The following NCAM2 variants were observed in gnomAD, a reference collection of about 807,000 sequenced individuals.
NCAM2 encodes the protein neural cell adhesion molecule 2, also known as N-CAM-2.
A neutral mutation model predicts 98.1 loss-of-function variants in NCAM2; 30 were observed. The observed-to-expected ratio is 0.31, with a 90% CI of 0.23 to 0.41. The LOEUF (loss-of-function observed/expected upper bound fraction) is 0.41, where lower values mean the gene tolerates loss of function less well. NCAM2 is among the 10% of genes least tolerant of loss of function. The pLI, the probability that NCAM2 is intolerant of heterozygous loss-of-function variation, is 1.00. For synonymous variants in NCAM2, 368 were observed against 342.4 expected (o/e 1.07, Z -0.83); for missense variants, 867 against 1,005.8 (o/e 0.86, Z 1.87).
intron 12 of NCAM2, among the ~76,000 whole-genome samples, chr21:21,448,085 A>G (rs1400424087): frequency 6.6e-6 from 1 of 152,140 alleles, no homozygotes; most frequent in African/African-American, 2.4e-5. Context: ...CCCTAAAGAC[A>G]CATGCACACG....
intron 1 of NCAM2, among the ~76,000 whole-genome samples, chr21:21,069,805 T>C (rs777267331): frequency 1.3e-5 from 2 of 152,150 alleles, no homozygotes; most frequent in African/African-American, 2.4e-5. Context: ...TCTCGATGTC[T>C]ACCTGGAAAC....
At chr21:21,536,448 A>G (rs984088771) in intron 17 of NCAM2, among the ~76,000 whole-genome samples, 1 of 149,840 alleles carries the variant, frequency 6.7e-6, no homozygotes, top group Non-Finnish European at 1.5e-5. Context: ...CTGGAGTGCA[A>G]TGGCGCAATC....
intron 1 of NCAM2, among the ~76,000 whole-genome samples, chr21:21,227,600 T>C (rs2147165874): frequency 6.6e-6 from 1 of 151,900 alleles, no homozygotes; most frequent in Non-Finnish European, 1.5e-5. Context: ...GAAAATGAAA[T>C]TGGAAATGTA....
At chr21:21,132,102 C>T (rs559079774) in intron 1 of NCAM2, among the ~76,000 whole-genome samples, 29 of 152,210 alleles carry the variant, frequency 1.9e-4, no homozygotes, top group African/African-American at 5.3e-4. Context: ...AGGAGTTTCC[C>T]GCATGCATTT....
intron 15 of NCAM2, among the ~76,000 whole-genome samples, chr21:21,487,120 A>G (rs1986455480): frequency 6.6e-6 from 1 of 152,174 alleles, no homozygotes. Context: ...ATTGCATTCC[A>G]ATAAATAAAA....
intron 15 of NCAM2, among the ~76,000 whole-genome samples, chr21:21,498,231 G>A (rs894714984): frequency 6.6e-6 from 1 of 152,066 alleles, no homozygotes. Context: ...ATCAAATTAA[G>A]TGCTGTATTC....
chr21:21,051,395 C>G (rs1281007100), intron 1 of NCAM2, among the ~76,000 whole-genome samples: 1 of 152,212 alleles, frequency 6.6e-6, no homozygotes, highest in Admixed American at 6.5e-5. Flanking sequence ...TCAAGCTAAA[C>G]CAGCTCAGTT....
At chr21:21,532,390 A>T (rs1463894221) in intron 16 of NCAM2, among the ~76,000 whole-genome samples, 1 of 152,122 alleles carries the variant, frequency 6.6e-6, no homozygotes, top group Non-Finnish European at 1.5e-5. Flanking sequence ...GAAAAAAATT[A>T]ATGTAATAAA....
chr21:21,223,044 C>G (rs775820074), intron 1 of NCAM2, among the ~76,000 whole-genome samples: 1 of 152,128 alleles, frequency 6.6e-6, no homozygotes, highest in Non-Finnish European at 1.5e-5. Flanking sequence ...TTCTTACATA[C>G]TCTGTTGATA....
chr21:21,033,208 C>T (rs1486202298), intron 1 of NCAM2, among the ~76,000 whole-genome samples: 7 of 152,174 alleles, frequency 4.6e-5, no homozygotes, highest in African/African-American at 1.7e-4. Context: ...CTTGGCCTCC[C>T]AAAGTGCTGG....
rs143398103 is a variant in NCAM2 at position 21,205,345 on chromosome 21, A to G, written c.56-75233A>G. Among the ~76,000 whole-genome samples the G allele has an allele frequency of 6.6e-5, 10 of 152,244 alleles. No individual in the cohort carries two copies. The East Asian group carries it at 1.9e-3, about 29-fold the overall frequency. ...ACTTTAAAATTGTATTTTAATTTAT[A>G]TTAGTCTGTGGATACTACTGCGTAC... On this transcript the variant is annotated intron_variant, in intron 1 of 17. Transcript: ENST00000400546.
intron 9 of NCAM2, among the ~76,000 whole-genome samples, chr21:21,391,180 C>G (rs1001588193): frequency 6.6e-6 from 1 of 151,864 alleles, no homozygotes; most frequent in African/African-American, 2.4e-5. Context: ...CAGCAAGACC[C>G]CATCTCAAGT....
chr21:21,373,007 T>G (rs2075954297), intron 8 of NCAM2, among the ~76,000 whole-genome samples: 1 of 151,858 alleles, frequency 6.6e-6, no homozygotes, highest in South Asian at 2.1e-4. Context: ...TTATTAATAA[T>G]GTATTTTGTT....
intron 7 of NCAM2, 99 bp from the exon 8 acceptor site, chr21:21,338,290 A>G (rs1568950789): frequency 4.5e-6 from 5 of 1,105,206 alleles, no homozygotes; most frequent in Admixed American, 2.4e-5. Flanking sequence ...TAATAATATC[A>G]TACTATACTA....
At chr21:21,448,970 G>A (rs944608499) in intron 12 of NCAM2, among the ~76,000 whole-genome samples, 1 of 151,954 alleles carries the variant, frequency 6.6e-6, no homozygotes, top group African/African-American at 2.4e-5. Flanking sequence ...CATTCTTAAT[G>A]ATTTTAAACC....
chr21:21,090,071 C>T (rs2065982540), intron 1 of NCAM2, among the ~76,000 whole-genome samples: 1 of 152,098 alleles, frequency 6.6e-6, no homozygotes, highest in African/African-American at 2.4e-5. Flanking sequence ...GGACCTAGGA[C>T]CTGTAGCATC....
At chr21:21,471,386 A>G (rs1347409843) in intron 14 of NCAM2, among the ~76,000 whole-genome samples, 1 of 152,062 alleles carries the variant, frequency 6.6e-6, no homozygotes, top group Admixed American at 6.6e-5. Context: ...GTTCTTGATC[A>G]TCTGTTCTCT....
At chr21:21,227,733 A>C (rs1175669308) in intron 1 of NCAM2, among the ~76,000 whole-genome samples, 4 of 151,836 alleles carry the variant, frequency 2.6e-5, no homozygotes, top group Non-Finnish European at 5.9e-5. Context: ...TGGAGAAATC[A>C]TTCAATTAAT....
At chr21:21,452,967 TA>T (rs1204459821) in intron 12 of NCAM2, among the ~76,000 whole-genome samples, 10 of 19,654 alleles carry the variant, frequency 5.1e-4, no homozygotes, top group African/African-American at 1.6e-3. Flanking sequence ...TTATATATTA[TA>T]TATTATTATA....
Sources: gnomAD v4.1 joint callset for allele counts (sites outside exome capture counted in the v4.1 genomes callset) on GRCh38, gnomAD v4.1.1 for gene constraint, MANE v1.5 for transcripts, NCBI Gene and HGNC (gene_info 2026-07-23, HGNC 2026-07-21) for gene names.